MCTP2: variants seen among roughly 807,000 people sequenced by gnomAD.
The protein encoded by MCTP2 is multiple C2 and transmembrane domain-containing protein 2.
MCTP2 carries 132 observed loss-of-function variants against 111.6 expected under a neutral mutation model. That is an observed-to-expected ratio of 1.18 (90% CI 1.03 to 1.37). MCTP2 has a LOEUF of 1.37. MCTP2 is among the 40% of genes most tolerant of loss of function. The pLI is 0.00. For synonymous variants in MCTP2, 395 were observed against 387.7 expected, an observed-to-expected ratio of 1.02 and a Z score of -0.22; for missense variants, 1,183 against 1,067.9, an observed-to-expected ratio of 1.11 and a Z score of -1.50.
At chr15:94,249,094 A>C (rs988489738) in intron 1 of MCTP2, among the ~76,000 whole-genome samples, 1 of 152,222 alleles carries the variant, frequency 6.6e-6, no homozygotes, top group Non-Finnish European at 1.5e-5. Flanking sequence ...GATGACAAAC[A>C]TGATAATATT....
intron 1 of MCTP2, among the ~76,000 whole-genome samples, chr15:94,233,701 T>C (rs8034119): frequency 0.15 from 22,470 of 152,204 alleles, 1,822 homozygotes; most frequent in African/African-American, 0.21. Flanking sequence ...AGTTCCTTAT[T>C]TGACTTTTGC....
intron 19 of MCTP2, among the ~76,000 whole-genome samples, chr15:94,454,831 A>T (rs2084705173): frequency 6.7e-6 from 1 of 150,284 alleles, no homozygotes; most frequent in African/African-American, 2.5e-5. Flanking sequence ...GGTTATTTTT[A>T]TTATTATTAG....
At position 94,305,350 on chromosome 15, in the gene MCTP2, C is replaced by A. The variant is rs141221292; in HGVS notation, c.465+6620C>A. Among the ~76,000 whole-genome samples the A allele has an allele frequency of 3.5e-3, 537 of 152,288 alleles. 1 individual carries two copies. The highest frequency in any genetic ancestry group is 6.5e-3 in the Non-Finnish European group (439 of 68,026). On this transcript the variant is annotated intron_variant, in intron 2 of 22. Transcript: ENST00000357742. ...TTATAGTCGCCTGAGCTGACTAACT[C>A]TGTGATCTTAACAGTTTTAGCCTCG...
rs371485797 is a variant in MCTP2, at chr15:94,268,180, C to CTT, written c.-65-30019_-65-30018dup. Among the ~76,000 whole-genome samples the CTT allele has an allele frequency of 8.2e-3, 1,098 of 134,396 alleles. 28 individuals carry two copies. Among genetic ancestry groups the CTT allele is most frequent in the African/African-American group, 0.021 (752 of 35,870 alleles). 88.2% of individuals were successfully genotyped at this position (134,396 alleles called of 152,430 possible). On this transcript the variant is annotated intron_variant, in intron 1 of 22. Coordinates refer to ENST00000357742, the MANE Select transcript of MCTP2 (RefSeq NM_001385001.1). Reference sequence around the variant, plus strand: ...CACGCCCGGCCCAAATTCATTCTTTCTTTCTTTTTTTTTTTTTTGAGACAG... The same window carrying CTT: ...CACGCCCGGCCCAAATTCATTCTTTCTTTTTCTTTTTTTTTTTTTTGAGACAG...
At chr15:94,474,356 G>C (rs894761452) in intron 21 of MCTP2, among the ~76,000 whole-genome samples, 1 of 152,154 alleles carries the variant, frequency 6.6e-6, no homozygotes, top group Non-Finnish European at 1.5e-5. Flanking sequence ...TCAGACTACA[G>C]TATCATTTTG....
chr15:94,426,719 T>C (rs539040809), intron 17 of MCTP2, among the ~76,000 whole-genome samples: 1 of 152,246 alleles, frequency 6.6e-6, no homozygotes, highest in Admixed American at 6.5e-5. Flanking sequence ...TGTCTATACC[T>C]GATTATTTTT....
At chr15:94,438,052 T>C (rs566363963) in intron 17 of MCTP2, among the ~76,000 whole-genome samples, 75 of 152,190 alleles carry the variant, frequency 4.9e-4, no homozygotes, top group Admixed American at 5.9e-4. Flanking sequence ...AGGTAGAATA[T>C]GATTTCTTAA....
chr15:94,356,383 C>G (rs2078627188), intron 9 of MCTP2, 82 bp downstream of exon 9: 1 of 1,298,334 alleles, frequency 7.7e-7, no homozygotes, highest in Non-Finnish European at 1.0e-6. Flanking sequence ...TTAAATTTTA[C>G]AAAAGTAGAA....
At chr15:94,331,606 A>C (rs543197358) in intron 4 of MCTP2, among the ~76,000 whole-genome samples, 1 of 152,200 alleles carries the variant, frequency 6.6e-6, no homozygotes, top group Non-Finnish European at 1.5e-5. Flanking sequence ...AGTTGCTATA[A>C]ACTTTATAAA....
chr15:94,314,118 T>A (rs294553), intron 2 of MCTP2, among the ~76,000 whole-genome samples, 164 bp from the exon 3 acceptor site: 131,148 of 152,268 alleles, frequency 0.86, 56,523 homozygotes, highest in East Asian at 0.99. Context: ...GGATGACACC[T>A]CTGCATCCAC....
At chr15:94,391,798 G>A (rs2080991857) in intron 14 of MCTP2, among the ~76,000 whole-genome samples, 1 of 152,186 alleles carries the variant, frequency 6.6e-6, no homozygotes, top group African/African-American at 2.4e-5. Context: ...GAACAGACAG[G>A]CTAAGAGAGA....
At chr15:94,404,925 C>G (rs1441953781) in intron 17 of MCTP2, among the ~76,000 whole-genome samples, 2 of 152,192 alleles carry the variant, frequency 1.3e-5, no homozygotes, top group African/African-American at 4.8e-5. Flanking sequence ...CTCCTGTGAT[C>G]TGTTGACAGA....
chr15:94,458,842 A>G (rs1315585375), intron 20 of MCTP2, among the ~76,000 whole-genome samples: 1 of 152,234 alleles, frequency 6.6e-6, no homozygotes, highest in East Asian at 1.9e-4. Flanking sequence ...GTTAAAGTGT[A>G]AAAGGAGTAA....
At chr15:94,471,213 G>C (rs541948307) in intron 21 of MCTP2, among the ~76,000 whole-genome samples, 3 of 152,188 alleles carry the variant, frequency 2.0e-5, no homozygotes, top group African/African-American at 7.2e-5. Flanking sequence ...GCCGTTCTCC[G>C]TAAAGGGTCT....
chr15:94,252,083 G>A (rs183270348), intron 1 of MCTP2, among the ~76,000 whole-genome samples: 59 of 152,248 alleles, frequency 3.9e-4, no homozygotes, highest in Admixed American at 3.1e-3. Context: ...TAGGAACATC[G>A]GTGTACAATT....
chr15:94,244,184 GTA>G (rs376330639), intron 1 of MCTP2, among the ~76,000 whole-genome samples: 3,573 of 143,188 alleles, frequency 0.025, 167 homozygotes, highest in African/African-American at 0.078. Flanking sequence ...ATACGTATGT[GTA>G]TATGTTTATA....
intron 4 of MCTP2, among the ~76,000 whole-genome samples, chr15:94,338,340 C>T (rs2077465168): frequency 6.6e-6 from 1 of 152,146 alleles, no homozygotes; most frequent in African/African-American, 2.4e-5. Context: ...CTTCGTTTAT[C>T]TCCTCATTGA....
In MCTP2 at chr15:94,481,055, T is replaced by C. The variant is rs1410875025; in HGVS notation, c.*2021T>C. ...GTTGTAAGTGACATGTTAAGATTTATACAATTGTCAAAAACTTTTAGGAAA... is the reference window on the plus strand; with the variant it reads ...GTTGTAAGTGACATGTTAAGATTTACACAATTGTCAAAAACTTTTAGGAAA... On this transcript the variant is annotated 3_prime_UTR_variant, in exon 23 of 23. Transcript: ENST00000357742. 1 of 152,240 alleles carries C rather than the reference T, an allele frequency of 6.6e-6. No homozygotes were observed. Among genetic ancestry groups the C allele is most frequent in the Non-Finnish European group, 1.5e-5 (1 of 68,032 alleles). 9.4% of individuals were successfully genotyped at this position (152,240 alleles called of 1,614,324 possible).
intron 4 of MCTP2, among the ~76,000 whole-genome samples, chr15:94,318,345 A>T (rs1417864199): frequency 6.7e-6 from 1 of 149,398 alleles, no homozygotes; most frequent in Non-Finnish European, 1.5e-5. Flanking sequence ...GTGCAGTGGC[A>T]CAATCTTAGC....
Sources: gnomAD v4.1 joint callset for allele counts (sites outside exome capture counted in the v4.1 genomes callset) on GRCh38, gnomAD v4.1.1 for gene constraint, MANE v1.5 for transcripts, NCBI Gene and HGNC (gene_info 2026-07-23, HGNC 2026-07-21) for gene names.